RUFY3: variants seen among roughly 807,000 people sequenced by gnomAD.
RUFY3 encodes the protein protein RUFY3.
In RUFY3, 34 loss-of-function variants were observed where a neutral mutation model predicts 84.0. That is an observed-to-expected ratio of 0.40 (90% CI 0.31 to 0.54). RUFY3 has a LOEUF of 0.54. RUFY3 is among the 20% of genes least tolerant of loss of function. The probability of loss-of-function intolerance (pLI) is 0.39; values close to 1 mark genes in which losing one functional copy is unlikely to be tolerated. For synonymous variants in RUFY3, 242 were observed against 252.9 expected, an observed-to-expected ratio of 0.96 and a Z score of 0.41; for missense variants, 507 against 736.8, an observed-to-expected ratio of 0.69 and a Z score of 3.61.
chr4:70,794,073 C>T (rs982256224), intron 13 of RUFY3, among the ~76,000 whole-genome samples, 169 bp downstream of exon 13: 5 of 152,212 alleles, frequency 3.3e-5, no homozygotes, highest in South Asian at 2.1e-4. Flanking sequence ...TCCCCAAATC[C>T]GATCAACATG....
chr4:70,705,352 G>T, intron 1 of RUFY3: 1 of 1,207,760 alleles, frequency 8.3e-7, no homozygotes, highest in Non-Finnish European at 1.1e-6. Flanking sequence ...GGCTGGGGAG[G>T]GCCGGCCCGG....
chr4:70,787,082 T>C (rs1334962581), intron 10 of RUFY3, among the ~76,000 whole-genome samples: 1 of 142,342 alleles, frequency 7.0e-6, no homozygotes, highest in Non-Finnish European at 1.5e-5. Context: ...AGGAGGGAGA[T>C]CACCTGAGCC....
At chr4:70,775,421 A>G (rs1727766154) in intron 7 of RUFY3, among the ~76,000 whole-genome samples, 188 bp downstream of exon 7, 1 of 151,656 alleles carries the variant, frequency 6.6e-6, no homozygotes, top group South Asian at 2.1e-4. Flanking sequence ...ACCTTTAGTG[A>G]AAGGCAGTAT....
intron 12 of RUFY3, chr4:70,793,107 A>C: frequency 1.0e-6 from 1 of 985,244 alleles, no homozygotes; most frequent in East Asian, 1.1e-4. Context: ...CATCCATCAG[A>C]ATCTTCTGGA....
At chr4:70,765,849 G>A (rs1401453015) in intron 4 of RUFY3, among the ~76,000 whole-genome samples, 2 of 149,578 alleles carry the variant, frequency 1.3e-5, no homozygotes, top group South Asian at 4.2e-4. Context: ...TGCCACCTCC[G>A]CCTCCCGGGT....
At chr4:70,745,694 A>C (rs772503140) in intron 1 of RUFY3, among the ~76,000 whole-genome samples, 4 of 152,192 alleles carry the variant, frequency 2.6e-5, no homozygotes, top group Non-Finnish European at 5.9e-5. Flanking sequence ...TTAAGACTTG[A>C]TGCATGTTGA....
chr4:70,765,187 C>CAA (rs1161964926), intron 4 of RUFY3, among the ~76,000 whole-genome samples: 12 of 55,686 alleles, frequency 2.2e-4, no homozygotes, highest in South Asian at 1.3e-3. Flanking sequence ...GACTCTGTCT[C>CAA]AAAAAAAAAA....
intron 13 of RUFY3, 46 bp downstream of exon 13, chr4:70,793,950 C>T (rs1731189769): frequency 6.3e-7 from 1 of 1,599,256 alleles, no homozygotes; most frequent in African/African-American, 1.3e-5. Flanking sequence ...ATGGGTAATT[C>T]TTAGGGTAGA....
At chr4:70,774,067 T>C (rs1375479574) in intron 6 of RUFY3, among the ~76,000 whole-genome samples, 1 of 152,222 alleles carries the variant, frequency 6.6e-6, no homozygotes, top group Non-Finnish European at 1.5e-5. Context: ...TTATGGTACT[T>C]AGTAATTAGA....
intron 14 of RUFY3, chr4:70,799,857 T>C (rs1578260318): frequency 6.4e-6 from 2 of 312,320 alleles, no homozygotes; most frequent in Non-Finnish European, 1.1e-5. Flanking sequence ...GTAACTGATA[T>C]CTGGAGCCAA....
chr4:70,711,940 ATTC>A (rs1741047029), intron 1 of RUFY3, among the ~76,000 whole-genome samples: 2 of 152,108 alleles, frequency 1.3e-5, no homozygotes, highest in African/African-American at 4.8e-5. Flanking sequence ...TGTTGCACCT[ATTC>A]TTCTGGCCTG....
chr4:70,779,109 A>G (rs898881242), intron 8 of RUFY3, among the ~76,000 whole-genome samples: 1 of 152,214 alleles, frequency 6.6e-6, no homozygotes, highest in Non-Finnish European at 1.5e-5. Flanking sequence ...ACAAATATTT[A>G]TATGTGCCAG....
rs1239039037 is a variant in RUFY3 at position 70,807,542 on chromosome 4, A to T, written c.*883A>T. The stretch of plus-strand genomic sequence containing the variant: ...AATAAGTTTAATTTGTTTTCTTAAG[A>T]CAGGGTCTTGCTCTGTTGCACAAGC... On this transcript the variant is annotated 3_prime_UTR_variant, in exon 18 of 18. Transcript: ENST00000381006. 6.6e-6 allele frequency among the ~76,000 whole-genome samples: 1 copy of T among 152,196 alleles called. No homozygotes were observed. Among genetic ancestry groups the T allele is most frequent in the Non-Finnish European group, 1.5e-5 (1 of 68,042 alleles).
rs1245442825 is a variant in RUFY3, at chr4:70,768,640, A to G, written c.675A>G (p.Lys225=). ...LNVIDANFCM[K]GEDLDSQVGV... is the part of the protein sequence containing the mutation. Reference sequence around the variant, plus strand: ...TCATTGATGCCAATTTCTGTATGAAAGGAGAAGACTTGGACTCTCAGGTAT... The same window carrying G: ...TCATTGATGCCAATTTCTGTATGAAGGGAGAAGACTTGGACTCTCAGGTAT... Residue 225 remains lysine (K), a synonymous_variant, in exon 5 of 18, where the codon AAA becomes AAG. Transcript: ENST00000381006. 6.2e-7 allele frequency: 1 copy of G among 1,613,958 alleles called. No individual in the cohort carries two copies. Among genetic ancestry groups the G allele is most frequent in the Admixed American group, 1.7e-5 (1 of 59,956 alleles).
intron 10 of RUFY3, among the ~76,000 whole-genome samples, chr4:70,786,359 C>T (rs1157077253): frequency 2.0e-5 from 3 of 151,124 alleles, no homozygotes; most frequent in Non-Finnish European, 2.9e-5. Flanking sequence ...AACAATAATA[C>T]ACATTTTAAT....
rs779332701 is a variant in RUFY3 at position 70,705,256 on chromosome 4, C to CGAGCGGCGGCGGCGGCAG, written c.321_338dup (p.Gly112_Ser113insArgSerGlyGlyGlyGly). On this transcript the variant is annotated inframe_insertion, in exon 1 of 12. Coordinates refer to the RUFY3 transcript ENST00000417478. ...CTGCCCTTCCTGCTGCTGAGCTACC[C>CGAGCGGCGGCGGCGGCAG]GAGCGGCGGCGGCGGCAGCAGCGGC... is the stretch of plus-strand genomic sequence containing the variant. 42 of 1,444,506 alleles carry CGAGCGGCGGCGGCGGCAG rather than the reference C, an allele frequency of 2.9e-5. No homozygotes were observed. The South Asian group carries it at 5.6e-4, about 19-fold the overall frequency. 89.5% of individuals were successfully genotyped at this position (1,444,506 alleles called of 1,614,324 possible).
intron 1 of RUFY3, among the ~76,000 whole-genome samples, chr4:70,726,043 T>C (rs1028175757): frequency 4.6e-5 from 7 of 152,162 alleles, no homozygotes; most frequent in Admixed American, 3.9e-4. Context: ...CTGGCAACAG[T>C]GTAGTGAATG....
intron 7 of RUFY3, among the ~76,000 whole-genome samples, chr4:70,775,756 G>A (rs547359990): frequency 8.3e-4 from 126 of 151,982 alleles, no homozygotes; most frequent in African/African-American, 2.9e-3. Flanking sequence ...GATGAGCTAG[G>A]GTAACATAGC....
In RUFY3 at chr4:70,722,146, T is replaced by C; in HGVS notation, c.-428T>C. The C allele has an allele frequency of 2.4e-6, 3 of 1,231,622 alleles. No homozygotes were observed. Among genetic ancestry groups the C allele is most frequent in the Non-Finnish European group, 3.0e-6 (3 of 987,754 alleles). 76.3% of individuals were successfully genotyped at this position (1,231,622 alleles called of 1,614,324 possible). ...TTGTTCAGGTTTTTCTTTTATATTT[T>C]TTTTCTGCACAAAGGAGGAGGATTT... On this transcript the variant is annotated 5_prime_UTR_variant, in exon 1 of 18. Transcript: ENST00000381006.
Sources: gnomAD v4.1 joint callset for allele counts (sites outside exome capture counted in the v4.1 genomes callset) on GRCh38, gnomAD v4.1.1 for gene constraint, MANE v1.5 for transcripts, NCBI Gene and HGNC (gene_info 2026-07-23, HGNC 2026-07-21) for gene names.